ANK3: variants seen among roughly 807,000 people sequenced by gnomAD.
The protein encoded by ANK3 is ankyrin 3.
A neutral mutation model predicts 370.9 loss-of-function variants in ANK3; 57 were observed. The ratio of observed to expected loss-of-function variants is 0.15; its 90% confidence interval spans 0.12 to 0.19. The LOEUF (loss-of-function observed/expected upper bound fraction) is 0.19, where lower values mean the gene tolerates loss of function less well. Ranked by LOEUF, ANK3 falls within the 10% of genes least tolerant of loss-of-function variation. The pLI is 1.00. For missense variants in ANK3, 4,439 were observed against 5,302.1 expected (o/e 0.84, Z 5.06); for synonymous variants, 1,929 against 1,946.3 (o/e 0.99, Z 0.23).
At chr10:60,689,447 C>T (rs2079317631) in intron 1 of ANK3, among the ~76,000 whole-genome samples, 1 of 152,012 alleles carries the variant, frequency 6.6e-6, no homozygotes, top group Non-Finnish European at 1.5e-5. Context: ...AAATCACTTA[C>T]AGCAGTTAAA....
At chr10:60,155,266 AAG>A (rs1283754893) in intron 23 of ANK3, among the ~76,000 whole-genome samples, 6 of 152,182 alleles carry the variant, frequency 3.9e-5, no homozygotes, top group Non-Finnish European at 5.9e-5. Flanking sequence ...GGGCCTGGGA[AAG>A]AGAGAGCAAA....
intron 1 of ANK3, among the ~76,000 whole-genome samples, chr10:60,674,103 A>T (rs2079095667): frequency 6.6e-6 from 1 of 152,082 alleles, no homozygotes; most frequent in African/African-American, 2.4e-5. Flanking sequence ...AGAGTATGAG[A>T]GTTCTTGTAT....
intron 2 of ANK3, among the ~76,000 whole-genome samples, chr10:60,396,168 T>A (rs1055366450): frequency 6.6e-6 from 1 of 152,062 alleles, no homozygotes; most frequent in Non-Finnish European, 1.5e-5. Flanking sequence ...AATAAAAAAA[T>A]GAACAAGATA....
intron 2 of ANK3, among the ~76,000 whole-genome samples, chr10:60,403,646 G>A (rs187116263): frequency 7.3e-4 from 111 of 152,194 alleles, no homozygotes; most frequent in East Asian, 2.7e-3. Flanking sequence ...GGAGTGCAGC[G>A]GCGCGATCTC....
At chr10:60,133,086 T>G (rs889034033) in intron 25 of ANK3, among the ~76,000 whole-genome samples, 2 of 152,222 alleles carry the variant, frequency 1.3e-5, no homozygotes, top group Non-Finnish European at 2.9e-5. Context: ...GACATCAGCA[T>G]CTGCAGACAT....
intron 8 of ANK3, among the ~76,000 whole-genome samples, chr10:60,214,044 C>A (rs748233119): frequency 2.8e-4 from 43 of 152,006 alleles, no homozygotes; most frequent in Non-Finnish European, 5.3e-4. Context: ...GTGTAAAAAA[C>A]AAATCACCTG....
At position 60,652,566 on chromosome 10, in the gene ANK3, G is replaced by A. The variant is rs145320449; in HGVS notation, c.58-37342C>T. Among the ~76,000 whole-genome samples the A allele has an allele frequency of 4.2e-3, 632 of 152,062 alleles. 6 individuals are homozygous for A. The highest frequency in any genetic ancestry group is 0.014 in the African/African-American group (593 of 41,498). ...ATAAATGGGGGCATGATCGTGTAAA[G>A]AGTAACAATTAAGAACAGTATTAGT... On this transcript the variant is annotated intron_variant, in intron 1 of 43. Coordinates refer to the ANK3 transcript ENST00000373827.
At chr10:60,667,632 T>C (rs2079015240) in intron 1 of ANK3, among the ~76,000 whole-genome samples, 1 of 151,546 alleles carries the variant, frequency 6.6e-6, no homozygotes. Context: ...ATTTTTTTGT[T>C]CCCTTTGTAA....
chr10:60,373,556 G>GAAATTT lies in ANK3; in HGVS notation c.114+15863_114+15868dup, dbSNP rs1011758091. Among the ~76,000 whole-genome samples, 11 of 152,260 alleles carry GAAATTT rather than the reference G, an allele frequency of 7.2e-5. 1 individual carries two copies. The highest frequency in any genetic ancestry group is 5.2e-4 in the Admixed American group (8 of 15,300). On this transcript the variant is annotated intron_variant, in intron 1 of 43. Coordinates refer to ENST00000280772, the MANE Select transcript of ANK3 (RefSeq NM_020987.5). Reference sequence around the variant, plus strand: ...TACTTAAACAGTCAGGAGATGGTAGGAAATTTAGGTAGGAATAAAGCCTAT... The same window carrying GAAATTT: ...TACTTAAACAGTCAGGAGATGGTAGGAAATTTAAATTTAGGTAGGAATAAAGCCTAT...
chr10:60,121,403 T>A (rs56371454), intron 25 of ANK3, among the ~76,000 whole-genome samples: 1 of 146,422 alleles, frequency 6.8e-6, no homozygotes, highest in African/African-American at 2.5e-5. Context: ...AAAGGAAGAA[T>A]GAATAAAGGC....
chr10:60,625,231 G>T (rs531575933), intron 1 of ANK3, among the ~76,000 whole-genome samples: 1 of 152,056 alleles, frequency 6.6e-6, no homozygotes, highest in South Asian at 2.1e-4. Context: ...CATCTTGGAC[G>T]TGCAGAGCAG....
rs150850338 is a variant in ANK3, at chr10:60,577,369, G to A, written c.96+37817C>T. On this transcript the variant is annotated intron_variant, in intron 2 of 43. Coordinates refer to the ANK3 transcript ENST00000373827. ...CGTATAATTGTATTGATATGGTTTG[G>A]CTGTCTCCCCACCCAAATCTCATCT... Among the ~76,000 whole-genome samples, 535 of 152,256 alleles carry A rather than the reference G, an allele frequency of 3.5e-3. 3 individuals are homozygous for A. The highest frequency in any genetic ancestry group is 0.012 in the African/African-American group (513 of 41,546).
intron 1 of ANK3, among the ~76,000 whole-genome samples, chr10:60,677,901 T>C (rs892062592): frequency 6.6e-6 from 1 of 152,152 alleles, no homozygotes; most frequent in African/African-American, 2.4e-5. Flanking sequence ...AGGCTTCTAC[T>C]GGTCCTTTGT....
chr10:60,102,107 C>A (rs1405785246), intron 28 of ANK3, among the ~76,000 whole-genome samples: 1 of 150,542 alleles, frequency 6.6e-6, no homozygotes, highest in Non-Finnish European at 1.5e-5. Context: ...GATGTAGTGT[C>A]TTTGTACGAT....
At chr10:60,439,286 A>T (rs2064234118) in intron 2 of ANK3, among the ~76,000 whole-genome samples, 2 of 152,294 alleles carry the variant, frequency 1.3e-5, no homozygotes, top group South Asian at 4.1e-4. Context: ...TAGAGAAGGG[A>T]ATATCTTATT....
chr10:60,174,748 ATTTAT>A (rs1460194751), intron 18 of ANK3, among the ~76,000 whole-genome samples: 2 of 152,044 alleles, frequency 1.3e-5, no homozygotes, highest in African/African-American at 4.8e-5. Context: ...TTGTTTATTT[ATTTAT>A]TTGAGACAGG....
At chr10:60,327,323 GAC>G (rs753430816) in intron 1 of ANK3, among the ~76,000 whole-genome samples, 3 of 152,178 alleles carry the variant, frequency 2.0e-5, no homozygotes, top group African/African-American at 7.2e-5. Context: ...AAGGGGACAA[GAC>G]ACATTTTCTC....
intron 2 of ANK3, among the ~76,000 whole-genome samples, chr10:60,570,710 A>G (rs949037289): frequency 4.6e-5 from 7 of 152,150 alleles, no homozygotes; most frequent in Admixed American, 3.9e-4. Context: ...TTTCATTAAG[A>G]GTGCCCTAGC....
chr10:60,411,162 C>G (rs2063552558), intron 2 of ANK3, among the ~76,000 whole-genome samples: 1 of 152,146 alleles, frequency 6.6e-6, no homozygotes, highest in African/African-American at 2.4e-5. Flanking sequence ...GAACCAGAAA[C>G]AAACTTTTAT....
Sources: allele counts gnomAD v4.1 joint callset (sites outside exome capture counted in the v4.1 genomes callset), GRCh38; gene constraint gnomAD v4.1.1; transcripts MANE v1.5; gene names NCBI Gene and HGNC (gene_info 2026-07-23, HGNC 2026-07-21).